The following DAP variants were observed in gnomAD, a reference collection of about 807,000 sequenced individuals.
The protein encoded by DAP is death associated protein.
A neutral mutation model predicts 13.8 loss-of-function variants in DAP; 8 were observed. The observed-to-expected ratio is 0.58, with a 90% CI of 0.34 to 1.05. The LOEUF (loss-of-function observed/expected upper bound fraction) is 1.05. Ranked by LOEUF, DAP falls within the 50% of genes least tolerant of loss-of-function variation. The pLI, the probability that DAP is intolerant of heterozygous loss-of-function variation, is 0.03. For missense variants in DAP, 106 were observed against 133.2 expected, an observed-to-expected ratio of 0.80 and a Z score of 1.01; for synonymous variants, 47 against 47.5, an observed-to-expected ratio of 0.99 and a Z score of 0.04.
chr5:10,742,601 T>C (rs776321547), intron 2 of DAP, among the ~76,000 whole-genome samples: 15 of 152,214 alleles, frequency 9.9e-5, no homozygotes, highest in Non-Finnish European at 2.1e-4. Context: ...AAGGAGATTC[T>C]TCAGGTGGGC....
At chr5:10,727,819 C>A (rs1561024511) in intron 2 of DAP, among the ~76,000 whole-genome samples, 1 of 152,228 alleles carries the variant, frequency 6.6e-6, no homozygotes, top group Non-Finnish European at 1.5e-5. Flanking sequence ...ATGCTCACAT[C>A]CCTGATATAA....
Position 10,699,410 on chromosome 5 carries a change from C to T in DAP, c.153-15839G>A, listed in dbSNP as rs17768377. Among the ~76,000 whole-genome samples the T allele has an allele frequency of 8.2e-3, 1,242 of 152,330 alleles. 6 individuals carry two copies. Among genetic ancestry groups the T allele is most frequent in the Non-Finnish European group, 0.013 (861 of 68,028 alleles). On this transcript the variant is annotated intron_variant, in intron 2 of 3. Transcript: ENST00000230895. ...TTTGGTGTTCACACACTGTATAGGA[C>T]GCTGGGTTAGGGACTGAGGTGAAGA...
intron 1 of DAP, among the ~76,000 whole-genome samples, chr5:10,758,778 C>A (rs1318950438): frequency 6.6e-6 from 1 of 152,216 alleles, no homozygotes; most frequent in Non-Finnish European, 1.5e-5. Context: ...AAATAAGCTG[C>A]CTCTTCCCTC....
intron 1 of DAP, among the ~76,000 whole-genome samples, chr5:10,759,441 A>G (rs1013000124): frequency 2.6e-5 from 4 of 152,158 alleles, no homozygotes; most frequent in African/African-American, 9.7e-5. Flanking sequence ...ATCCCATCAA[A>G]AAAAAAACTC....
At position 10,755,484 on chromosome 5, in the gene DAP, A is replaced by T. The variant is rs1398983354; in HGVS notation, c.55+5530T>A. 5.3e-5 allele frequency among the ~76,000 whole-genome samples: 8 copies of T among 152,238 alleles called. No homozygotes were observed. The South Asian group carries it at 1.2e-3, about 24-fold the overall frequency. ...ATGCATACCACTTGTGGGCCACACC[A>T]TACGGACCCCAGCACGGCGACCTAC... On this transcript the variant is annotated intron_variant, in intron 1 of 3. Coordinates refer to ENST00000230895, the MANE Select transcript of DAP (RefSeq NM_004394.3).
intron 2 of DAP, among the ~76,000 whole-genome samples, chr5:10,716,887 T>C (rs1408127192): frequency 2.6e-5 from 4 of 152,218 alleles, no homozygotes; most frequent in Non-Finnish European, 5.9e-5. Context: ...ATGGAGTTCT[T>C]TCATTGGTTT....
intron 2 of DAP, among the ~76,000 whole-genome samples, chr5:10,706,701 G>A (rs545217785): frequency 6.6e-6 from 1 of 152,048 alleles, no homozygotes; most frequent in African/African-American, 2.4e-5. Context: ...AATGATGATC[G>A]GATTTGATAA....
intron 1 of DAP, among the ~76,000 whole-genome samples, chr5:10,751,555 T>C (rs1344509816): frequency 2.6e-5 from 4 of 152,152 alleles, no homozygotes; most frequent in Non-Finnish European, 5.9e-5. Flanking sequence ...TCATCAGAAA[T>C]TGATGAAAGA....
At chr5:10,683,501 A>G in intron 3 of DAP, 28 bp downstream of exon 3, 1 of 1,613,230 alleles carries the variant, frequency 6.2e-7, no homozygotes, top group Non-Finnish European at 8.5e-7. Flanking sequence ...AAAAGCCTCA[A>G]ACCCACCGCA....
intron 2 of DAP, among the ~76,000 whole-genome samples, chr5:10,720,569 C>T (rs1174097490): frequency 3.9e-5 from 6 of 152,190 alleles, no homozygotes; most frequent in African/African-American, 1.4e-4. Context: ...CATGTCATCG[C>T]CCAATGGGCC....
intron 2 of DAP, among the ~76,000 whole-genome samples, chr5:10,725,336 T>A (rs997264062): frequency 1.3e-5 from 2 of 152,220 alleles, no homozygotes; most frequent in Non-Finnish European, 2.9e-5. Context: ...GAGCTCGGGC[T>A]GTCTCCAGTC....
At chr5:10,709,916 T>C (rs1202084429) in intron 2 of DAP, among the ~76,000 whole-genome samples, 1 of 152,228 alleles carries the variant, frequency 6.6e-6, no homozygotes, top group African/African-American at 2.4e-5. Context: ...CACCTGGGAC[T>C]GGTCAGAATG....
At chr5:10,735,492 C>A (rs191353014) in intron 2 of DAP, among the ~76,000 whole-genome samples, 1 of 152,316 alleles carries the variant, frequency 6.6e-6, no homozygotes, top group Non-Finnish European at 1.5e-5. Context: ...CTGCTGATTT[C>A]ATCTTTATCA....
intron 2 of DAP, among the ~76,000 whole-genome samples, chr5:10,720,909 C>T (rs748262445): frequency 1.3e-5 from 2 of 152,196 alleles, no homozygotes; most frequent in Non-Finnish European, 2.9e-5. Flanking sequence ...GCCGTGGACT[C>T]GCGGAATGCC....
chr5:10,703,834 G>A (rs1487403582), intron 2 of DAP, among the ~76,000 whole-genome samples: 3 of 152,264 alleles, frequency 2.0e-5, no homozygotes, highest in African/African-American at 2.4e-5. Context: ...AGAGGACAGC[G>A]CAGGGCGTGG....
chr5:10,737,606 C>A (rs1202533887), intron 2 of DAP, among the ~76,000 whole-genome samples: 1 of 152,200 alleles, frequency 6.6e-6, no homozygotes, highest in Admixed American at 6.5e-5. Context: ...TAAAAATTCC[C>A]AGGCATACAT....
chr5:10,738,368 G>C (rs1739667277), intron 2 of DAP, among the ~76,000 whole-genome samples: 1 of 152,254 alleles, frequency 6.6e-6, no homozygotes, highest in Non-Finnish European at 1.5e-5. Context: ...TAAATTGATA[G>C]TGGAGAAACT....
At chr5:10,700,399 G>A (rs192866896) in intron 2 of DAP, among the ~76,000 whole-genome samples, 1 of 152,304 alleles carries the variant, frequency 6.6e-6, no homozygotes, top group East Asian at 1.9e-4. Context: ...GAATTAGAAT[G>A]CAAACTAAGG....
At position 10,681,168 on chromosome 5, in the gene DAP, C is replaced by G. The variant is rs911762786; in HGVS notation, c.197G>C (p.Gly66Ala). 2 of 1,498,292 alleles carry G rather than the reference C, an allele frequency of 1.3e-6. No homozygotes were observed. The highest frequency in any genetic ancestry group is 8.9e-7 in the Non-Finnish European group (1 of 1,124,954). The allele number at this position is 1,498,292 out of a possible 1,614,324, so 92.8% of individuals were successfully genotyped here. Residue 66 changes from glycine (G) to alanine (A), a missense_variant and splice_region_variant, in exon 4 of 4, where the codon GGT becomes GCT. Gly to Ala is a moderately conservative substitution (Grantham distance 60). Coordinates refer to ENST00000230895, the MANE Select transcript of DAP (RefSeq NM_004394.3). ...TVFISGVIAR[G>A]DKDFPPAAAQ... ...AGCCGCCGGGGGGAAATCTTTGTCACCCTGTCAGGAAACACGGAAAGCTCA... is the reference window on the plus strand; with the variant it reads ...AGCCGCCGGGGGGAAATCTTTGTCAGCCTGTCAGGAAACACGGAAAGCTCA...
Sources: allele counts gnomAD v4.1 joint callset (sites outside exome capture counted in the v4.1 genomes callset), GRCh38; gene constraint gnomAD v4.1.1; transcripts MANE v1.5; gene names NCBI Gene and HGNC (gene_info 2026-07-23, HGNC 2026-07-21).